RAB35: variants seen among roughly 807,000 people sequenced by gnomAD.
RAB35 encodes the protein RAB35, member RAS oncogene family, also known as ras-related protein Rab-35.
Under a neutral mutation model 28.9 loss-of-function variants are expected in RAB35, and 4 were observed. The observed-to-expected ratio is 0.14, with a 90% confidence interval of 0.07 to 0.32. The LOEUF is 0.32. Ranked by LOEUF, RAB35 falls within the 10% of genes least tolerant of loss-of-function variation. RAB35 has a pLI of 1.00. For missense variants in RAB35, 128 were observed against 274.0 expected (o/e 0.47, Z 3.76); for synonymous variants, 99 against 105.1 (o/e 0.94, Z 0.35).
chr12:120,097,880 T>TC (rs1491213234), intron 5 of RAB35, among the ~76,000 whole-genome samples: 5 of 108,738 alleles, frequency 4.6e-5, no homozygotes, highest in Non-Finnish European at 7.3e-5. Context: ...AGCTGGAATC[T>TC]TTTTTTTTTT....
chr12:120,109,657 C>CTTT (rs543003528), intron 1 of RAB35, among the ~76,000 whole-genome samples: 2 of 120,016 alleles, frequency 1.7e-5, no homozygotes, highest in Admixed American at 8.5e-5. Context: ...GTTGCCCAGG[C>CTTT]TTTTTTTTTT....
chr12:120,102,389 T>C (rs969683706), intron 3 of RAB35, among the ~76,000 whole-genome samples: 11 of 152,002 alleles, frequency 7.2e-5, no homozygotes, highest in Admixed American at 2.0e-4. Context: ...CCTGCCCCAG[T>C]GTCCTCCGCA....
intron 3 of RAB35, among the ~76,000 whole-genome samples, chr12:120,102,506 A>G (rs1875699734): frequency 6.6e-6 from 1 of 152,118 alleles, no homozygotes; most frequent in African/African-American, 2.4e-5. Context: ...CGGGACTGGG[A>G]GCTCCCAGGG....
intron 2 of RAB35, 68 bp from the exon 3 acceptor site, chr12:120,104,017 C>T (rs1875767143): frequency 1.9e-6 from 3 of 1,578,524 alleles, no homozygotes; most frequent in Middle Eastern, 1.8e-4. Flanking sequence ...CCACGCTGCA[C>T]ACAACACACC....
chr12:120,109,841 G>A (rs1018646648), intron 1 of RAB35, among the ~76,000 whole-genome samples: 1 of 151,956 alleles, frequency 6.6e-6, no homozygotes, highest in African/African-American at 2.4e-5. Context: ...CTTTCAGCCT[G>A]CCAAGTACAC....
chr12:120,113,983 A>G (rs1876229932), intron 1 of RAB35, among the ~76,000 whole-genome samples: 1 of 152,244 alleles, frequency 6.6e-6, no homozygotes, highest in Admixed American at 6.5e-5. Flanking sequence ...ATTGTTTGCC[A>G]GCCCTGACAT....
chr12:120,099,917 G>C (rs943020075), intron 3 of RAB35, among the ~76,000 whole-genome samples: 1 of 152,210 alleles, frequency 6.6e-6, no homozygotes, highest in Non-Finnish European at 1.5e-5. Context: ...GAGAGCTGTC[G>C]AAGAGCCGGA....
At chr12:120,105,993 C>T (rs1875856533) in intron 2 of RAB35, among the ~76,000 whole-genome samples, 1 of 150,004 alleles carries the variant, frequency 6.7e-6, no homozygotes, top group African/African-American at 2.5e-5. Context: ...TTACTGTAAA[C>T]TCTGTGCAGG....
At chr12:120,111,353 A>C (rs748581625) in intron 1 of RAB35, among the ~76,000 whole-genome samples, 10 of 152,098 alleles carry the variant, frequency 6.6e-5, no homozygotes, top group Non-Finnish European at 1.0e-4. Flanking sequence ...CCAGGTCCCC[A>C]TACTGTCCCC....
rs576997176 is a variant in RAB35 at position 120,103,658 on chromosome 12, C to G, written c.227+168G>C. ...CAGCACCCCCCTCACATCTTCAGGA[C>G]CAGGAAGGGTGCAGCCAAACGCCAC... On this transcript the variant is annotated intron_variant, in intron 3 of 5. Transcript: ENST00000229340. The surrounding 1 kb of genome is among the most constrained non-coding windows in gnomAD (Gnocchi z 6.1). 6.6e-6 allele frequency among the ~76,000 whole-genome samples: 1 copy of G among 152,184 alleles called. No individual in the cohort carries two copies.
At chr12:120,113,817 CAAAA>C (rs60143564) in intron 1 of RAB35, among the ~76,000 whole-genome samples, 3 of 112,814 alleles carry the variant, frequency 2.7e-5, no homozygotes, top group Admixed American at 2.0e-4. Context: ...GACTCCGTCT[CAAAA>C]AAAAAAAAAA....
intron 5 of RAB35, 58 bp downstream of exon 5, chr12:120,098,753 C>T (rs2139047888): frequency 6.2e-7 from 1 of 1,606,454 alleles, no homozygotes; most frequent in Admixed American, 1.7e-5. Flanking sequence ...AGCAGGCCAG[C>T]AGCATGGAGA....
rs187420722 is a variant in RAB35, at chr12:120,114,277, G to A, written c.52+2322C>T. On this transcript the variant is annotated intron_variant, in intron 1 of 5. Coordinates refer to ENST00000229340, the MANE Select transcript of RAB35 (RefSeq NM_006861.7). ...CCCGGCTACTTTTGTATTTTTAGTA[G>A]AGACGAGGTTTCATCATGTTGCCCA... 2.1e-3 allele frequency among the ~76,000 whole-genome samples: 321 copies of A among 152,286 alleles called. 1 individual carries two copies. Among genetic ancestry groups the A allele is most frequent in the South Asian group, 3.7e-3 (18 of 4,830 alleles).
At chr12:120,105,912 G>A (rs768573434) in intron 2 of RAB35, among the ~76,000 whole-genome samples, 23 of 106,336 alleles carry the variant, frequency 2.2e-4, no homozygotes, top group East Asian at 1.1e-3. Context: ...GCGAGACTCC[G>A]TCTCAAAAAA....
chr12:120,103,437 C>T lies in RAB35; in HGVS notation c.227+389G>A, dbSNP rs2139052735. On this transcript the variant is annotated intron_variant, in intron 3 of 5. Transcript: ENST00000229340. This position sits in a 1 kb window ranked among gnomAD's most constrained non-coding sequence, Gnocchi z 6.1. ...CCAACTCCAGCTGCCATAACTGACA[C>T]CTACCAAGAGGAATTGTCAGCGACT... is the stretch of plus-strand genomic sequence containing the variant. 6.6e-6 allele frequency among the ~76,000 whole-genome samples: 1 copy of T among 152,358 alleles called. No individual in the cohort carries two copies. The highest frequency in any genetic ancestry group is 1.9e-4 in the East Asian group (1 of 5,182).
Position 120,097,235 on chromosome 12 carries a change from C to T in RAB35, c.*10G>A. On this transcript the variant is annotated 3_prime_UTR_variant, in exon 6 of 6. Transcript: ENST00000229340. ...ACCGCAGTGCAGTCTCTGCAGTGGA[C>T]TGGGTGCCATTAGCAGCAGCGTTTC... The T allele has an allele frequency of 6.2e-7, 1 of 1,614,134 alleles. No homozygotes were observed. The highest frequency in any genetic ancestry group is 8.5e-7 in the Non-Finnish European group (1 of 1,180,038).
chr12:120,099,229 G>T, intron 3 of RAB35, 75 bp from the exon 4 acceptor site: 1 of 1,585,492 alleles, frequency 6.3e-7, no homozygotes, highest in South Asian at 1.1e-5. Flanking sequence ...ACCTGCCCAC[G>T]TCAGGACACT....
rs1245714312 is a variant in RAB35 at position 120,116,728 on chromosome 12, G to C, written c.-78C>G. ...TCCGCAGCTCCCTTCGGGCTGCTCC[G>C]GCAGCGGCGGATCCACTTCCCGAAC... is the stretch of plus-strand genomic sequence containing the variant. On this transcript the variant is annotated 5_prime_UTR_variant, in exon 1 of 6. Coordinates refer to ENST00000229340, the MANE Select transcript of RAB35 (RefSeq NM_006861.7). 4.1e-6 allele frequency: 5 copies of C among 1,206,496 alleles called. No homozygotes were observed. The highest frequency in any genetic ancestry group is 5.1e-6 in the Non-Finnish European group (5 of 970,924). 74.7% of individuals were successfully genotyped at this position (1,206,496 alleles called of 1,614,324 possible).
At chr12:120,106,773 G>A (rs1245657409) in intron 2 of RAB35, among the ~76,000 whole-genome samples, 8 of 151,822 alleles carry the variant, frequency 5.3e-5, no homozygotes, top group African/African-American at 1.9e-4. Flanking sequence ...ATTTTTAGTA[G>A]AGACAGAGTT....
Sources: gnomAD v4.1 joint callset for allele counts (sites outside exome capture counted in the v4.1 genomes callset) on GRCh38, gnomAD v4.1.1 for gene constraint, Gnocchi (gnomAD v3.1) non-coding constraint, MANE v1.5 for transcripts, NCBI Gene and HGNC (gene_info 2026-07-23, HGNC 2026-07-21) for gene names.